Variants in DOCK5 observed in about 807,000 individuals in gnomAD.
The protein encoded by DOCK5 is dedicator of cytokinesis protein 5.
Under a neutral mutation model 251.8 loss-of-function variants are expected in DOCK5, and 142 were observed. That is an observed-to-expected ratio of 0.56 (90% CI 0.49 to 0.65). DOCK5 has a LOEUF of 0.65. DOCK5 is among the 30% of genes least tolerant of loss of function. The pLI is 0.00. For synonymous variants in DOCK5, 842 were observed against 835.5 expected, an observed-to-expected ratio of 1.01 and a Z score of -0.13; for missense variants, 2,111 against 2,312.3, an observed-to-expected ratio of 0.91 and a Z score of 1.79.
chr8:25,223,008 C>T (rs911004797), intron 1 of DOCK5, among the ~76,000 whole-genome samples: 3 of 152,084 alleles, frequency 2.0e-5, no homozygotes, highest in South Asian at 2.1e-4. Flanking sequence ...GTCCTGGAAC[C>T]GAGGAGCTAA....
rs151072208 is a variant in DOCK5, at chr8:25,365,732, C to T, written c.3123+1028C>T. 3.3e-3 allele frequency among the ~76,000 whole-genome samples: 499 copies of T among 152,266 alleles called. 1 individual carries two copies. Among genetic ancestry groups the T allele is most frequent in the African/African-American group, 0.011 (456 of 41,548 alleles). ...GAGTGCAAAGGGGTAGCCTCTGATC[C>T]TTTTGTTACTTGGGTGTGGAGAGGT... On this transcript the variant is annotated intron_variant, in intron 30 of 51. Coordinates refer to ENST00000276440, the MANE Select transcript of DOCK5 (RefSeq NM_024940.8).
At position 25,184,837 on chromosome 8, in the gene DOCK5, G is replaced by GGGCGGCGGCGGCCGGAGCCCGA. The variant is rs2117425298; in HGVS notation, c.-69_-48dup. 2 of 1,246,644 alleles carry GGGCGGCGGCGGCCGGAGCCCGA rather than the reference G, an allele frequency of 1.6e-6. No homozygotes were observed. The highest frequency in any genetic ancestry group is 1.0e-6 in the Non-Finnish European group (1 of 980,492). 77.2% of individuals were successfully genotyped at this position (1,246,644 alleles called of 1,614,324 possible). ...AGCGTCTGGGGCACGCAGGAGCGCG[G>GGGCGGCGGCGGCCGGAGCCCGA]GGCGGCGGCGGCCGGAGCCCGAGGA... On this transcript the variant is annotated 5_prime_UTR_variant, in exon 1 of 52. The change abolishes the stop of an existing upstream ORF in the 5' untranslated region. Coordinates refer to ENST00000276440, the MANE Select transcript of DOCK5 (RefSeq NM_024940.8).
chr8:25,310,186 T>C (rs1424244078), intron 12 of DOCK5, among the ~76,000 whole-genome samples: 5 of 152,152 alleles, frequency 3.3e-5, no homozygotes, highest in Non-Finnish European at 7.4e-5. Flanking sequence ...ACCCCTTTTT[T>C]CCCCCAAAGT....
At chr8:25,388,467 A>G (rs1024629814) in intron 40 of DOCK5, among the ~76,000 whole-genome samples, 1 of 152,062 alleles carries the variant, frequency 6.6e-6, no homozygotes, top group African/African-American at 2.4e-5. Context: ...GATTAAAGAG[A>G]TTATATTTAC....
chr8:25,402,075 A>G (rs190714521), intron 47 of DOCK5, among the ~76,000 whole-genome samples: 1 of 152,006 alleles, frequency 6.6e-6, no homozygotes, highest in Admixed American at 6.5e-5. Flanking sequence ...ACTTATCTGC[A>G]TTTTTTTCTT....
chr8:25,388,043 T>G (rs1801195809), intron 40 of DOCK5, among the ~76,000 whole-genome samples: 1 of 152,200 alleles, frequency 6.6e-6, no homozygotes, highest in South Asian at 2.1e-4. Context: ...TATCATATAT[T>G]CCAAAAGATC....
Position 25,296,555 on chromosome 8 carries a change from C to T in DOCK5, c.513C>T (p.Asn171=). 1 of 1,611,848 alleles carries T rather than the reference C, an allele frequency of 6.2e-7. No homozygotes were observed. The highest frequency in any genetic ancestry group is 8.5e-7 in the Non-Finnish European group (1 of 1,179,010). ...TGGTGGTGCGAGATGACAATGGGAA[C>T]ATCCTAGACCCTGACGAAACCAGCA... is the stretch of plus-strand genomic sequence containing the variant. The part of the protein sequence containing the change: ...LDLVVRDDNG[N]ILDPDETSTI... Residue 171 remains asparagine (N), a synonymous_variant, in exon 7 of 52, where the codon AAC becomes AAT. Coordinates refer to ENST00000276440, the MANE Select transcript of DOCK5 (RefSeq NM_024940.8).
At chr8:25,221,023 A>G (rs753088258) in intron 1 of DOCK5, among the ~76,000 whole-genome samples, 3 of 151,806 alleles carry the variant, frequency 2.0e-5, no homozygotes, top group Admixed American at 1.3e-4. Flanking sequence ...CCATCTCTCA[A>G]ATTTCCCTGT....
chr8:25,253,367 G>A (rs1323212631), intron 2 of DOCK5, among the ~76,000 whole-genome samples: 1 of 145,900 alleles, frequency 6.9e-6, no homozygotes, highest in Non-Finnish European at 1.5e-5. Flanking sequence ...CACAGATTTT[G>A]GACCGCAACA....
At chr8:25,389,258 C>T in intron 41 of DOCK5, 26 bp downstream of exon 41, 2 of 1,608,640 alleles carry the variant, frequency 1.2e-6, no homozygotes, top group South Asian at 2.2e-5. Flanking sequence ...GGAGTATGGC[C>T]CCGAGGCTCT....
intron 2 of DOCK5, among the ~76,000 whole-genome samples, chr8:25,263,727 G>A (rs1008547952): frequency 6.6e-6 from 1 of 151,366 alleles, no homozygotes; most frequent in South Asian, 2.1e-4. Context: ...TCCCTTACAC[G>A]GATGCCCACC....
chr8:25,294,432 G>T (rs1025824009), intron 6 of DOCK5, among the ~76,000 whole-genome samples: 1 of 152,172 alleles, frequency 6.6e-6, no homozygotes, highest in Non-Finnish European at 1.5e-5. Flanking sequence ...TTGCTCTTTG[G>T]TACCGGGAAT....
rs1805702345 is a variant in DOCK5, at chr8:25,332,348, G to A, written c.2001G>A (p.Lys667=). Residue 667 remains lysine (K), a splice_region_variant and synonymous_variant, in exon 19 of 52, where the codon AAG becomes AAA. Transcript: ENST00000276440. ...AAGTGGATGGAGGAGAGATTGTTAA[G>A]GTATGTTTATATATTCATAGTTAGA... The part of the protein sequence containing the change: ...LMEVDGGEIV[K]FLQDTLDALF... 1 of 1,609,530 alleles carries A rather than the reference G, an allele frequency of 6.2e-7. No homozygotes were observed. Among genetic ancestry groups the A allele is most frequent in the Non-Finnish European group, 8.5e-7 (1 of 1,176,552 alleles).
chr8:25,383,279 A>G (rs2117305709), intron 40 of DOCK5, among the ~76,000 whole-genome samples: 1 of 152,338 alleles, frequency 6.6e-6, no homozygotes, highest in East Asian at 1.9e-4. Context: ...TCTCTTACGA[A>G]AAGTTTCTTT....
chr8:25,410,134 A>G lies in DOCK5; in HGVS notation c.5440A>G (p.Thr1814Ala). ...PSLQTDGIAATPVPPPPPPKS... is the reference protein window; with the variant it reads ...PSLQTDGIAAAPVPPPPPPKS... ...GTTGCAGACAGATGGAATCGCGGCC[A>G]CTCCTGTCCCACCTCCACCTCCCCC... The change falls in exon 51 of 52, where the codon ACT becomes GCT. Residue 1814 changes from threonine (T) to alanine (A), a missense_variant. Around this residue, in one of 3 missense-constraint regions of DOCK5, gnomAD observed 1,717 missense variants for 1,892.4 expected, o/e 0.91. Transcript: ENST00000276440. 1 of 1,612,890 alleles carries G rather than the reference A, an allele frequency of 6.2e-7. No homozygotes were observed. Among genetic ancestry groups the G allele is most frequent in the Non-Finnish European group, 8.5e-7 (1 of 1,179,702 alleles).
intron 51 of DOCK5, 138 bp from the exon 52 acceptor site, chr8:25,411,056 C>A: frequency 1.2e-5 from 14 of 1,156,124 alleles, no homozygotes; most frequent in Non-Finnish European, 1.6e-5. Context: ...GTGTAGTTTT[C>A]CATTTCACTT....
At chr8:25,328,082 T>G (rs1294466573) in intron 18 of DOCK5, among the ~76,000 whole-genome samples, 1 of 152,096 alleles carries the variant, frequency 6.6e-6, no homozygotes, top group Admixed American at 6.6e-5. Flanking sequence ...TTTCAAGCAT[T>G]CTGGTCTTCT....
At chr8:25,393,655 T>A (rs1011232406) in intron 44 of DOCK5, among the ~76,000 whole-genome samples, 2 of 152,184 alleles carry the variant, frequency 1.3e-5, no homozygotes, top group Non-Finnish European at 2.9e-5. Flanking sequence ...CTAACTCCCA[T>A]CAAGGTTCAG....
At chr8:25,298,058 TAAAAA>T (rs145331060) in intron 7 of DOCK5, among the ~76,000 whole-genome samples, 1 of 125,904 alleles carries the variant, frequency 7.9e-6, no homozygotes, top group East Asian at 2.3e-4. Flanking sequence ...CCCTGCCTCT[TAAAAA>T]AAAAAAAAAA....
Sources: allele counts gnomAD v4.1 joint callset (sites outside exome capture counted in the v4.1 genomes callset), GRCh38; gene constraint gnomAD v4.1.1; regional missense constraint gnomAD v4.1.1; transcripts MANE v1.5; gene names NCBI Gene and HGNC (gene_info 2026-07-23, HGNC 2026-07-21).